The following NUMA1 variants were observed in gnomAD, a reference collection of about 807,000 sequenced individuals.
The protein encoded by NUMA1 is SP-H antigen.
NUMA1 carries 62 observed loss-of-function variants against 237.1 expected under a neutral mutation model. That is an observed-to-expected ratio of 0.26 (90% CI 0.21 to 0.32). The LOEUF is 0.32. Among genes scored for constraint, NUMA1 ranks in the 10% least tolerant of loss-of-function variants. The pLI is 1.00. For missense variants in NUMA1, 2,533 were observed against 2,666.5 expected (o/e 0.95, Z 1.10); for synonymous variants, 1,028 against 1,066.1 (o/e 0.96, Z 0.70).
intron 19 of NUMA1, 38 bp from the exon 20 acceptor site, chr11:72,008,883 C>G (rs1410980355): frequency 1.2e-6 from 2 of 1,613,442 alleles, no homozygotes; most frequent in Admixed American, 1.7e-5. Context: ...TGAAGAAAAG[C>G]CTAAGGCAGC....
At chr11:72,043,566 A>G (rs1453645718) in intron 2 of NUMA1, among the ~76,000 whole-genome samples, 2 of 135,358 alleles carry the variant, frequency 1.5e-5, no homozygotes, top group East Asian at 2.1e-4. Context: ...ACAGGCTCTC[A>G]CTATGTTGCC....
Position 72,018,707 on chromosome 11 carries a change from C to T in NUMA1, c.742+116G>A, listed in dbSNP as rs1392790255. The T allele has an allele frequency of 2.3e-6, 3 of 1,326,588 alleles. No homozygotes were observed. In the African/African-American group the frequency reaches 4.4e-5, roughly 19 times the overall value. The allele number at this position is 1,326,588 out of a possible 1,614,324, so 82.2% of individuals were successfully genotyped here. A position where few individuals can be genotyped will look rare whatever the true frequency, so the allele number is the denominator to read the frequency against. Reference sequence around the variant, plus strand: ...AGCTTCCAGGAGGTCAGCCTGACCACAGGCCCAGGGCTGAGCTCTCAGCTC... The same window carrying T: ...AGCTTCCAGGAGGTCAGCCTGACCATAGGCCCAGGGCTGAGCTCTCAGCTC... On this transcript the variant is annotated intron_variant, in intron 10 of 26. Coordinates refer to ENST00000393695, the MANE Select transcript of NUMA1 (RefSeq NM_006185.4).
In NUMA1 at chr11:72,013,440, C is replaced by A; in HGVS notation, c.4063G>T (p.Ala1355Ser). ...TLQLEHTSTQ[A>S]LVSELLPAKH... Reference sequence around the variant, plus strand: ...GCTGGCAGCAGCTCACTCACCAGGGCCTGTGTGCTGGTGTGCTCGAGCTGC... The same window carrying A: ...GCTGGCAGCAGCTCACTCACCAGGGACTGTGTGCTGGTGTGCTCGAGCTGC... Residue 1355 changes from alanine (A) to serine (S), a missense_variant, in exon 15 of 27, where the codon GCC becomes TCC. Ala to Ser is a moderately conservative substitution (Grantham distance 99). This residue lies in a region of NUMA1 where 324 missense variants were observed against 407.6 expected (regional missense o/e 0.79). Transcript: ENST00000393695. This position sits in a 1 kb window ranked among gnomAD's most constrained non-coding sequence, Gnocchi z 6.8. The A allele has an allele frequency of 6.2e-7, 1 of 1,613,302 alleles. No individual in the cohort carries two copies. Among genetic ancestry groups the A allele is most frequent in the Non-Finnish European group, 8.5e-7 (1 of 1,180,008 alleles).
intron 1 of NUMA1, chr11:72,076,574 T>C (rs201564524): frequency 1.3e-5 from 2 of 152,052 alleles, no homozygotes; most frequent in South Asian, 2.1e-4. Context: ...TTACCTGAGG[T>C]TGGCAGTTCA....
chr11:72,067,187 T>C (rs914998879), intron 2 of NUMA1: 3 of 152,204 alleles, frequency 2.0e-5, no homozygotes, highest in Non-Finnish European at 2.9e-5. Context: ...TAGCCTATTT[T>C]ATCTTTGGGG....
In NUMA1 at chr11:72,008,697, C is replaced by G. The variant is rs1468159185; in HGVS notation, c.5207G>C (p.Ser1736Thr). 10 of 1,614,028 alleles carry G rather than the reference C, an allele frequency of 6.2e-6. No homozygotes were observed. Among genetic ancestry groups the G allele is most frequent in the Non-Finnish European group, 7.6e-6 (9 of 1,180,048 alleles). ...DLSCEEGTPLSITSKLPRTQP... is the reference protein window; with the variant it reads ...DLSCEEGTPLTITSKLPRTQP... ...AAGGCTGCCTCCTGACCTGGTGATA[C>G]TGAGTGGGGTCCCCTCCTCGCAGCT... The change falls in exon 20 of 27, where the codon AGT becomes ACT. Residue 1736 changes from serine (S) to threonine (T), a missense_variant. Ser to Thr is a moderately conservative substitution (Grantham distance 58). This residue lies in a region of NUMA1 where 795 missense variants were observed against 750.8 expected (regional missense o/e 1.06). Coordinates refer to ENST00000393695, the MANE Select transcript of NUMA1 (RefSeq NM_006185.4).
chr11:72,071,138 C>T (rs1055729797), intron 1 of NUMA1, among the ~76,000 whole-genome samples: 9 of 152,204 alleles, frequency 5.9e-5, no homozygotes, highest in Admixed American at 6.5e-5. Context: ...CTAACCATAT[C>T]CCAACTGCCT....
In NUMA1 at chr11:72,040,491, CACACACACACACACACACACTG is replaced by C. The variant is rs1555030165; in HGVS notation, c.-32-4538_-32-4517del. The C allele has an allele frequency of 9.4e-3, 1,399 of 148,860 alleles. 21 individuals are homozygous for C. Among genetic ancestry groups the C allele is most frequent in the Middle Eastern group, 0.027 (8 of 296 alleles). 9.2% of individuals were successfully genotyped at this position (148,860 alleles called of 1,614,324 possible). A position where few individuals can be genotyped will look rare whatever the true frequency, so the allele number is the denominator to read the frequency against. On this transcript the variant is annotated intron_variant, in intron 2 of 26. Coordinates refer to ENST00000393695, the MANE Select transcript of NUMA1 (RefSeq NM_006185.4). ...ACACACACACACACACACACACACACACACACACACACACACACACTGACCTGGGCCCCCCACCACTATATTC... is the reference window on the plus strand; with the variant it reads ...ACACACACACACACACACACACACACACCTGGGCCCCCCACCACTATATTC...
chr11:72,024,640 G>A (rs1939327879), intron 4 of NUMA1: 2 of 442,526 alleles, frequency 4.5e-6, no homozygotes, highest in East Asian at 8.9e-5. Context: ...AAGGGGCCGA[G>A]AGGAGACGGA....
At chr11:72,025,381 C>A (rs1939441044) in intron 4 of NUMA1, among the ~76,000 whole-genome samples, 1 of 151,782 alleles carries the variant, frequency 6.6e-6, no homozygotes, top group Non-Finnish European at 1.5e-5. Flanking sequence ...CACTGCACTC[C>A]AGCCTGGGCA....
chr11:72,034,013 G>T (rs1430689049), intron 3 of NUMA1, among the ~76,000 whole-genome samples: 2 of 152,110 alleles, frequency 1.3e-5, no homozygotes, highest in African/African-American at 4.8e-5. Context: ...TACTTGGGGG[G>T]CTGAGGTAGA....
rs1159980619 is a variant in NUMA1, at chr11:72,055,380, A to C, written c.-33+14462T>G. Among the ~76,000 whole-genome samples the C allele has an allele frequency of 3.9e-5, 6 of 152,130 alleles. No homozygotes were observed. In the South Asian group the frequency reaches 1.0e-3, roughly 26 times the overall value. ...CCTTGTCTAAGGTCATACAGCTAAA[A>C]AGCAACCGGGCCACGATGTAACCAC... On this transcript the variant is annotated intron_variant, in intron 2 of 26. Transcript: ENST00000393695.
Position 72,002,984 on chromosome 11 carries a change from G to T in NUMA1, c.*543C>A, listed in dbSNP as rs1955363191. On this transcript the variant is annotated 3_prime_UTR_variant, in exon 27 of 27. Coordinates refer to ENST00000393695, the MANE Select transcript of NUMA1 (RefSeq NM_006185.4). ...CCCAGTGCAAGTCTGGGGAAGGTAGGGTGTGAGCTGCTGCTGAAGGCTGTC... is the reference window on the plus strand; with the variant it reads ...CCCAGTGCAAGTCTGGGGAAGGTAGTGTGTGAGCTGCTGCTGAAGGCTGTC... The T allele has an allele frequency of 4.3e-6, 1 of 234,760 alleles. No homozygotes were observed. The highest frequency in any genetic ancestry group is 8.4e-6 in the Non-Finnish European group (1 of 118,906). The allele number at this position is 234,760 out of a possible 1,614,324, so 14.5% of individuals were successfully genotyped here. A position where few individuals can be genotyped will look rare whatever the true frequency, so the allele number is the denominator to read the frequency against.
intron 1 of NUMA1, among the ~76,000 whole-genome samples, chr11:72,078,917 C>T (rs1281389842): frequency 6.6e-6 from 1 of 152,164 alleles, no homozygotes; most frequent in African/African-American, 2.4e-5. Flanking sequence ...ACCATTAAAG[C>T]TTTAACGACC....
At position 72,018,526 on chromosome 11, in the gene NUMA1, G is replaced by A. The variant is rs1209658454; in HGVS notation, c.743-13C>T. ...GCTATCTGTGCATCTGCCCAGAGTG[G>A]AGGGAGGAGGAGAGGAGAATCAGAA... On this transcript the variant is annotated splice_polypyrimidine_tract_variant and intron_variant, in intron 10 of 26. Transcript: ENST00000393695. 3.1e-6 allele frequency: 5 copies of A among 1,599,742 alleles called. No homozygotes were observed. The highest frequency in any genetic ancestry group is 4.3e-6 in the Non-Finnish European group (5 of 1,167,008).
chr11:72,024,516 T>G, intron 4 of NUMA1, 163 bp from the exon 5 acceptor site: 1 of 644,830 alleles, frequency 1.6e-6, no homozygotes, highest in Non-Finnish European at 2.8e-6. Context: ...CAGGACACCA[T>G]TTATCCAGAT....
intron 23 of NUMA1, 42 bp downstream of exon 23, chr11:72,005,190 AG>A: frequency 6.6e-7 from 1 of 1,526,160 alleles, no homozygotes; most frequent in East Asian, 2.5e-5. Flanking sequence ...ATTCCAAGGG[AG>A]GGCAGGGATG....
In NUMA1 at chr11:72,004,290, G is replaced by C. The variant is rs1955514754; in HGVS notation, c.6058C>G (p.His2020Asp). Residue 2020 changes from histidine (H) to aspartate (D), a missense_variant, in exon 25 of 27, where the codon CAT becomes GAT. Transcript: ENST00000393695. ...GTAGTGCTCTGTTTGCGCCCTTCAT[G>C]TCGGTCTCGGGGAGTCATGGGGCGT... ...FPRPMTPRDR[H>D]EGRKQSTTEA... is the part of the protein sequence containing the mutation. The C allele has an allele frequency of 6.2e-7, 1 of 1,613,378 alleles. No individual in the cohort carries two copies. The highest frequency in any genetic ancestry group is 1.3e-5 in the African/African-American group (1 of 74,830).
At chr11:72,011,522 G>A (rs1267708434) in intron 16 of NUMA1, among the ~76,000 whole-genome samples, 2 of 152,198 alleles carry the variant, frequency 1.3e-5, no homozygotes, top group Admixed American at 1.3e-4. Context: ...AAGCATTCTG[G>A]GAGTTCAAGC....
Sources: gnomAD v4.1 joint callset for allele counts (sites outside exome capture counted in the v4.1 genomes callset) on GRCh38, gnomAD v4.1.1 for gene constraint, gnomAD v4.1.1 regional missense constraint, Gnocchi (gnomAD v3.1) non-coding constraint, MANE v1.5 for transcripts, NCBI Gene and HGNC (gene_info 2026-07-23, HGNC 2026-07-21) for gene names.